ATXN2L: variants seen among roughly 807,000 people sequenced by gnomAD.
The protein encoded by ATXN2L is ataxin-2-like protein.
Under a neutral mutation model 120.7 loss-of-function variants are expected in ATXN2L, and 24 were observed. The observed-to-expected ratio is 0.20, with a 90% CI of 0.14 to 0.28. ATXN2L has a LOEUF of 0.28. Ranked by LOEUF, ATXN2L falls within the 10% of genes least tolerant of loss-of-function variation. The pLI, the probability that ATXN2L is intolerant of heterozygous loss-of-function variation, is 1.00. For synonymous variants in ATXN2L, 653 were observed against 568.1 expected, an observed-to-expected ratio of 1.15 and a Z score of -2.13; for missense variants, 1,312 against 1,432.3, an observed-to-expected ratio of 0.92 and a Z score of 1.36.
chr16:28,830,935 T>TAA, intron 9 of ATXN2L, 27 bp from the exon 10 acceptor site: 5 of 963,248 alleles, frequency 5.2e-6, no homozygotes, highest in Admixed American at 3.0e-5. Context: ...CATTTTCTTC[T>TAA]CAAAAAAAAA....
rs2050184340 is a variant in ATXN2L, at chr16:28,823,052, G to A, written c.-208G>A. The A allele has an allele frequency of 1.3e-5, 4 of 318,582 alleles. No individual in the cohort carries two copies. Among genetic ancestry groups the A allele is most frequent in the African/African-American group, 2.2e-5 (1 of 44,856 alleles). 19.7% of individuals were successfully genotyped at this position (318,582 alleles called of 1,614,324 possible). A position where few individuals can be genotyped will look rare whatever the true frequency, so the allele number is the denominator to read the frequency against. On this transcript the variant is annotated 5_prime_UTR_variant, in exon 1 of 22. Coordinates refer to ENST00000336783, the MANE Select transcript of ATXN2L (RefSeq NM_007245.4). ...CGCGCCCTCTCGCTTTCCTCCAGCC[G>A]CGAGACCCCCTCCCCTTCCGCCTCG...
At position 28,834,499 on chromosome 16, in the gene ATXN2L, C is replaced by T. The variant is rs371168772; in HGVS notation, c.2246-7C>T. 3 of 1,612,368 alleles carry T rather than the reference C, an allele frequency of 1.9e-6. No individual in the cohort carries two copies. The highest frequency in any genetic ancestry group is 2.2e-5 in the South Asian group (2 of 91,026). ...GCTTGAGCTCTCCTCTCCTCCTCCT[C>T]TTCCAGGCTCCCTTCCTCCGCAGCG... On this transcript the variant is annotated splice_region_variant and splice_polypyrimidine_tract_variant and intron_variant, in intron 17 of 21. Coordinates refer to ENST00000336783, the MANE Select transcript of ATXN2L (RefSeq NM_007245.4).
At chr16:28,831,224 G>A (rs1391696336) in intron 10 of ATXN2L, 152 bp downstream of exon 10, 5 of 664,800 alleles carry the variant, frequency 7.5e-6, no homozygotes, top group African/African-American at 1.9e-5. Context: ...ATAGTTCTTC[G>A]ATTTCCCTAG....
chr16:28,824,579 G>C (rs12920514), intron 1 of ATXN2L: 1 of 1,274,016 alleles, frequency 7.8e-7, no homozygotes. Flanking sequence ...AGGTCGAGGG[G>C]ATGGGGTGTG....
intron 3 of ATXN2L, 29 bp downstream of exon 3, chr16:28,825,709 T>G: frequency 6.2e-7 from 1 of 1,613,770 alleles, no homozygotes; most frequent in Non-Finnish European, 8.5e-7. Context: ...CCCGGGTTGT[T>G]TAAGGAACGT....
At chr16:28,827,476 C>T (rs925684400) in intron 6 of ATXN2L, among the ~76,000 whole-genome samples, 1 of 152,130 alleles carries the variant, frequency 6.6e-6, no homozygotes, top group African/African-American at 2.4e-5. Flanking sequence ...TATAATTAAC[C>T]ACTCCTAGCA....
intron 9 of ATXN2L, 70 bp from the exon 10 acceptor site, chr16:28,830,892 C>T (rs1047611031): frequency 1.7e-5 from 24 of 1,432,188 alleles, no homozygotes; most frequent in East Asian, 4.8e-5. Flanking sequence ...GACGCTGCAT[C>T]GGTGGGAATG....
chr16:28,826,881 C>T lies in ATXN2L; in HGVS notation c.636C>T (p.Ala212=), dbSNP rs752406067. 3.1e-6 allele frequency: 5 copies of T among 1,591,136 alleles called. No individual in the cohort carries two copies. Among genetic ancestry groups the T allele is most frequent in the Admixed American group, 1.7e-5 (1 of 57,768 alleles). ...YATKDKFTDS[A]IAMNSKVNGE... is the part of the protein sequence containing the mutation. ...CCACAGACAAGTTCACCGATTCAGCCATTGCCATGAACTCGAAAGTGAATG... is the reference window on the plus strand; with the variant it reads ...CCACAGACAAGTTCACCGATTCAGCTATTGCCATGAACTCGAAAGTGAATG... The change falls in exon 6 of 22, where the codon GCC becomes GCT. Residue 212 remains alanine, a synonymous_variant. Coordinates refer to ENST00000336783, the MANE Select transcript of ATXN2L (RefSeq NM_007245.4).
chr16:28,837,031 C>A lies in ATXN2L; in HGVS notation c.*766C>A. 3.0e-6 allele frequency: 2 copies of A among 667,260 alleles called. No individual in the cohort carries two copies. The highest frequency in any genetic ancestry group is 5.5e-6 in the Non-Finnish European group (2 of 363,940). The allele number at this position is 667,260 out of a possible 1,614,324, so 41.3% of individuals were successfully genotyped here. On this transcript the variant is annotated 3_prime_UTR_variant, in exon 22 of 22. Coordinates refer to ENST00000336783, the MANE Select transcript of ATXN2L (RefSeq NM_007245.4). Reference sequence around the variant, plus strand: ...TTGCCCTCCCATCCTCTCATCTATTCCCCCGCTGGAGACGGAAGATCTTTT... The same window carrying A: ...TTGCCCTCCCATCCTCTCATCTATTACCCCGCTGGAGACGGAAGATCTTTT...
chr16:28,832,531 C>G lies in ATXN2L; in HGVS notation c.1552C>G (p.Leu518Val), dbSNP rs377260840. 1 of 1,614,198 alleles carries G rather than the reference C, an allele frequency of 6.2e-7. No homozygotes were observed. The change falls in exon 12 of 22, where the codon CTG becomes GTG. Residue 518 changes from leucine to valine, a missense_variant. Physicochemically the swap from Leu to Val is conservative, Grantham distance 32 (BLOSUM62 1). Coordinates refer to ENST00000336783, the MANE Select transcript of ATXN2L (RefSeq NM_007245.4). Reference sequence around the variant, plus strand: ...CTCTACCAAGGAACCTGGGAGAACTCTGGAGCCCCAGGAGCTGGCTCGGAT... The same window carrying G: ...CTCTACCAAGGAACCTGGGAGAACTGTGGAGCCCCAGGAGCTGGCTCGGAT... ...ELSTKEPGRT[L>V]EPQELARIAG...
At chr16:28,832,089 A>T in intron 10 of ATXN2L, 116 bp from the exon 11 acceptor site, 2 of 1,116,842 alleles carry the variant, frequency 1.8e-6, no homozygotes, top group Non-Finnish European at 2.5e-6. Context: ...CTAGACATTT[A>T]AGTTGGTGAC....
Position 28,833,825 on chromosome 16 carries a change from C to T in ATXN2L, c.2026-240C>T, listed in dbSNP as rs2055452481. On this transcript the variant is annotated intron_variant, in intron 15 of 21. Coordinates refer to ENST00000336783, the MANE Select transcript of ATXN2L (RefSeq NM_007245.4). ...GTAGTCATGAACAGAGGCCAGCTGACTTGGCTTGAGCCCCTGTATTTGGAA... is the reference window on the plus strand; with the variant it reads ...GTAGTCATGAACAGAGGCCAGCTGATTTGGCTTGAGCCCCTGTATTTGGAA... 6.3e-6 allele frequency: 4 copies of T among 634,520 alleles called. No individual in the cohort carries two copies. The East Asian group carries it at 1.1e-4, about 18-fold the overall frequency. 39.3% of individuals were successfully genotyped at this position (634,520 alleles called of 1,614,324 possible). A position where few individuals can be genotyped will look rare whatever the true frequency, so the allele number is the denominator to read the frequency against.
chr16:28,824,008 G>A, intron 1 of ATXN2L: 1 of 747,246 alleles, frequency 1.3e-6, no homozygotes, highest in Non-Finnish European at 1.6e-6. Context: ...CCAATGGGGA[G>A]GGAGGGACTT....
Position 28,832,247 on chromosome 16 carries a change from C to T in ATXN2L, c.1364C>T (p.Pro455Leu), listed in dbSNP as rs756366583. 18 of 1,614,064 alleles carry T rather than the reference C, an allele frequency of 1.1e-5. No individual in the cohort carries two copies. The highest frequency in any genetic ancestry group is 1.5e-5 in the Non-Finnish European group (18 of 1,180,052). Reference sequence around the variant, plus strand: ...CCGCGTTCTCCCAAGTCTGCTGCCCCTGCCCCAATCTCAGCTTCCTGTCCA... The same window carrying T: ...CCGCGTTCTCCCAAGTCTGCTGCCCTTGCCCCAATCTCAGCTTCCTGTCCA... ...YPPRSPKSAA[P>L]APISASCPEP... is the part of the protein sequence containing the mutation. The change falls in exon 11 of 22, where the codon CCT becomes CTT. Residue 455 changes from proline to leucine, a missense_variant. By Grantham distance (98) the Pro-to-Leu change is moderately conservative (BLOSUM62 -3). Transcript: ENST00000336783.
intron 7 of ATXN2L, 150 bp downstream of exon 7, chr16:28,829,642 TC>T (rs562339700): frequency 3.8e-5 from 29 of 769,266 alleles, no homozygotes; most frequent in Non-Finnish European, 5.8e-5. Context: ...GTGGAATTCT[TC>T]CCTCAAAGGT....
At chr16:28,824,406 G>A (rs1297913881) in intron 1 of ATXN2L, 1 of 1,278,708 alleles carries the variant, frequency 7.8e-7, no homozygotes, top group East Asian at 5.6e-5. Flanking sequence ...GCGCAGACCG[G>A]GCGAGGCCTC....
At chr16:28,825,300 C>T in intron 1 of ATXN2L, 66 bp from the exon 2 acceptor site, 1 of 1,449,242 alleles carries the variant, frequency 6.9e-7, no homozygotes, top group East Asian at 2.3e-5. Context: ...TAGGATTTAA[C>T]ATTAATTTCA....
rs1960950567 is a variant in ATXN2L, at chr16:28,836,590, T to G, written c.*325T>G. Reference sequence around the variant, plus strand: ...TGGGAAACAGCGATTGACCTGTGCTTCTGACAGCCCCCGAGACACCTTGAG... The same window carrying G: ...TGGGAAACAGCGATTGACCTGTGCTGCTGACAGCCCCCGAGACACCTTGAG... On this transcript the variant is annotated 3_prime_UTR_variant, in exon 22 of 22. Transcript: ENST00000336783. The G allele has an allele frequency of 1.7e-5, 27 of 1,574,188 alleles. No individual in the cohort carries two copies. Among genetic ancestry groups the G allele is most frequent in the Non-Finnish European group, 2.3e-5 (27 of 1,163,336 alleles).
chr16:28,827,652 G>A (rs543724710), intron 6 of ATXN2L, among the ~76,000 whole-genome samples: 13 of 152,248 alleles, frequency 8.5e-5, no homozygotes, highest in Non-Finnish European at 1.2e-4. Context: ...CAGGAGCTCC[G>A]ATCACTTGAG....
Sources: gnomAD v4.1 joint callset for allele counts (sites outside exome capture counted in the v4.1 genomes callset) on GRCh38, gnomAD v4.1.1 for gene constraint, MANE v1.5 for transcripts, NCBI Gene and HGNC (gene_info 2026-07-23, HGNC 2026-07-21) for gene names.